Variants in FRAS1 observed in about 807,000 individuals in gnomAD.
FRAS1 encodes the protein extracellular matrix organizing protein FRAS1.
FRAS1 carries 290 observed loss-of-function variants against 435.2 expected under a neutral mutation model. The observed-to-expected ratio is 0.67, with a 90% CI of 0.61 to 0.73. The LOEUF is 0.73. FRAS1 is among the 30% of genes least tolerant of loss of function. FRAS1 has a pLI of 0.00. For synonymous variants in FRAS1, 1,800 were observed against 1,851.0 expected (o/e 0.97, Z 0.71); for missense variants, 4,860 against 5,001.5 (o/e 0.97, Z 0.85).
intron 72 of FRAS1, among the ~76,000 whole-genome samples, chr4:78,538,176 A>G (rs1244531976): frequency 6.6e-6 from 1 of 152,226 alleles, no homozygotes; most frequent in Non-Finnish European, 1.5e-5. Flanking sequence ...TTCACTAAAA[A>G]ATATCTTACT....
At chr4:78,237,705 A>T in intron 3 of FRAS1, 88 bp downstream of exon 3, 1 of 572,660 alleles carries the variant, frequency 1.7e-6, no homozygotes, top group Non-Finnish European at 2.9e-6. Flanking sequence ...TGTTTTTGAC[A>T]TTTATTCTAA....
intron 17 of FRAS1, among the ~76,000 whole-genome samples, chr4:78,318,280 T>A (rs538697992): frequency 6.6e-6 from 1 of 152,308 alleles, no homozygotes; most frequent in African/African-American, 2.4e-5. Context: ...TTTTCACCAG[T>A]AGCCAGGGTA....
At chr4:78,059,742 A>C (rs1739665296) in intron 1 of FRAS1, among the ~76,000 whole-genome samples, 1 of 151,932 alleles carries the variant, frequency 6.6e-6, no homozygotes, top group South Asian at 2.1e-4. Flanking sequence ...CTCTGAAATC[A>C]ACAAAAGGCA....
At position 78,542,997 on chromosome 4, in the gene FRAS1, C is replaced by T. The variant is rs958157301; in HGVS notation, c.*1873C>T. ...AATGTATCATCAGCAGGAGATGAGA[C>T]TATGAATTGGCATCCAGAACAGGAG... On this transcript the variant is annotated 3_prime_UTR_variant, in exon 74 of 74. Transcript: ENST00000512123. The T allele has an allele frequency of 1.3e-5, 2 of 152,196 alleles. No homozygotes were observed. The highest frequency in any genetic ancestry group is 4.8e-5 in the African/African-American group (2 of 41,454). 9.4% of individuals were successfully genotyped at this position (152,196 alleles called of 1,614,324 possible).
At chr4:78,283,046 G>C in intron 12 of FRAS1, 79 bp downstream of exon 12, 1 of 1,129,828 alleles carries the variant, frequency 8.9e-7, no homozygotes, top group Non-Finnish European at 1.2e-6. Flanking sequence ...CCACCCCCTT[G>C]CTTCTTTTCA....
rs977047304 is a variant in FRAS1, at chr4:78,482,451, G to T, written c.8668G>T (p.Val2890Leu). Reference protein sequence around the residue: ...YPVIEGLETFVVFLSSAQGAE... With the variant: ...YPVIEGLETFLVFLSSAQGAE... ...GGTAATTGAAGGACTGGAGACATTT[G>T]TGGTTTTCCTCAGCTCAGCACAAGG... Residue 2890 changes from valine (V) to leucine (L), a missense_variant, in exon 58 of 74, where the codon GTG (valine) becomes TTG (leucine). Physicochemically the swap from Val to Leu is conservative, Grantham distance 32. Coordinates refer to ENST00000512123, the MANE Select transcript of FRAS1 (RefSeq NM_025074.7). 24 of 1,613,806 alleles carry T rather than the reference G, an allele frequency of 1.5e-5. No homozygotes were observed. The highest frequency in any genetic ancestry group is 1.9e-5 in the Non-Finnish European group (22 of 1,179,846).
intron 29 of FRAS1, 112 bp from the exon 30 acceptor site, chr4:78,400,622 C>CTT: frequency 9.7e-7 from 1 of 1,032,226 alleles, no homozygotes; most frequent in Non-Finnish European, 1.4e-6. Flanking sequence ...GTGAATCTCT[C>CTT]TGTCTTATTA....
intron 58 of FRAS1, 57 bp from the exon 59 acceptor site, chr4:78,488,818 C>T: frequency 2.0e-6 from 3 of 1,506,838 alleles, no homozygotes; most frequent in Non-Finnish European, 2.7e-6. Context: ...AGGACCATGG[C>T]CACAGCTTCC....
chr4:78,159,690 G>A (rs1447601631), intron 2 of FRAS1, among the ~76,000 whole-genome samples: 1 of 152,126 alleles, frequency 6.6e-6, no homozygotes, highest in Middle Eastern at 3.2e-3. Context: ...AGACCAGCCT[G>A]GCCAACATGG....
chr4:78,368,436 C>T (rs1731365116), intron 22 of FRAS1, among the ~76,000 whole-genome samples: 1 of 151,464 alleles, frequency 6.6e-6, no homozygotes, highest in Non-Finnish European at 1.5e-5. Context: ...TTTCCTCTGA[C>T]ACGTACTTAG....
In FRAS1 at chr4:78,261,236, A is replaced by AT. The variant is rs369821635; in HGVS notation, c.604-3783dup. ...GTTCATCTACTTTTTTATCCTGTTG[A>AT]TTTTTTATTGCTTCCTGCTTCTGTT... is the stretch of plus-strand genomic sequence containing the variant. On this transcript the variant is annotated intron_variant, in intron 6 of 73. Transcript: ENST00000512123. Among the ~76,000 whole-genome samples, 443 of 151,804 alleles carry AT rather than the reference A, an allele frequency of 2.9e-3. 2 individuals carry two copies. The highest frequency in any genetic ancestry group is 0.01 in the African/African-American group (431 of 41,388).
intron 2 of FRAS1, among the ~76,000 whole-genome samples, chr4:78,123,320 G>A (rs1037845307): frequency 7.2e-5 from 11 of 151,986 alleles, no homozygotes; most frequent in Non-Finnish European, 1.2e-4. Flanking sequence ...GCCTCTGTTC[G>A]GATCCATTGG....
At chr4:78,191,269 C>T (rs1334939963) in intron 2 of FRAS1, among the ~76,000 whole-genome samples, 1 of 152,186 alleles carries the variant, frequency 6.6e-6, no homozygotes, top group African/African-American at 2.4e-5. Context: ...ATGTCTGGAT[C>T]TTCTCACCTT....
At position 78,374,263 on chromosome 4, in the gene FRAS1, A is replaced by AAT; in HGVS notation, c.3151+12_3151+13insAT. ...GCACAAATGCACAGGTAACTTGGAG[A>AAT]CTGCTGATTATTCTGGAAAGAAGTG... On this transcript the variant is annotated intron_variant, in intron 25 of 73. Coordinates refer to ENST00000512123, the MANE Select transcript of FRAS1 (RefSeq NM_025074.7). 2 of 1,525,910 alleles carry AAT rather than the reference A, an allele frequency of 1.3e-6. No homozygotes were observed. The highest frequency in any genetic ancestry group is 8.9e-7 in the Non-Finnish European group (1 of 1,123,712). The allele number at this position is 1,525,910 out of a possible 1,614,324, so 94.5% of individuals were successfully genotyped here. A position where few individuals can be genotyped will look rare whatever the true frequency, so the allele number is the denominator to read the frequency against.
At chr4:78,479,243 T>G in intron 55 of FRAS1, 131 bp from the exon 56 acceptor site, 1 of 525,022 alleles carries the variant, frequency 1.9e-6, no homozygotes, top group African/African-American at 1.9e-5. Flanking sequence ...TCAGGAAGGT[T>G]TTATGTCAGA....
rs958787348 is a variant in FRAS1, at chr4:78,422,149, A to G, written c.4678+149A>G. The G allele has an allele frequency of 1.1e-5, 8 of 731,470 alleles. No homozygotes were observed. In the African/African-American group the frequency reaches 1.3e-4, roughly 11 times the overall value. 45.3% of individuals were successfully genotyped at this position (731,470 alleles called of 1,614,324 possible). A position where few individuals can be genotyped will look rare whatever the true frequency, so the allele number is the denominator to read the frequency against. The stretch of plus-strand genomic sequence containing the variant: ...AATAGCTTGAGACCTGTCAGCCAAT[A>G]TGTAACTTGAACTCAGTTCCATCTT... On this transcript the variant is annotated intron_variant, in intron 34 of 73. Coordinates refer to ENST00000512123, the MANE Select transcript of FRAS1 (RefSeq NM_025074.7).
chr4:78,334,445 A>G (rs1356461092), intron 19 of FRAS1, among the ~76,000 whole-genome samples: 1 of 130,552 alleles, frequency 7.7e-6, no homozygotes. Context: ...ATCTCAGCTC[A>G]CTGCAACCTC....
chr4:78,362,557 A>T (rs345544), intron 20 of FRAS1, among the ~76,000 whole-genome samples: 94,635 of 152,056 alleles, frequency 0.62, 30,061 homozygotes, highest in Non-Finnish European at 0.67. Flanking sequence ...GGTGGCACCC[A>T]GGTGGTGTGT....
chr4:78,531,659 C>T (rs1293804328), intron 70 of FRAS1, among the ~76,000 whole-genome samples: 1 of 152,154 alleles, frequency 6.6e-6, no homozygotes, highest in East Asian at 1.9e-4. Context: ...ACCTTTCTGT[C>T]CTGTTGGAGT....
Sources: gnomAD v4.1 joint callset for allele counts (sites outside exome capture counted in the v4.1 genomes callset) on GRCh38, gnomAD v4.1.1 for gene constraint, MANE v1.5 for transcripts, NCBI Gene and HGNC (gene_info 2026-07-23, HGNC 2026-07-21) for gene names.